Variants in AATK observed in about 807,000 individuals in gnomAD.
AATK encodes lemur tail kinase 1.
Under a neutral mutation model 114.3 loss-of-function variants are expected in AATK, and 91 were observed. The ratio of observed to expected loss-of-function variants is 0.80; its 90% confidence interval spans 0.67 to 0.95. The LOEUF (loss-of-function observed/expected upper bound fraction) is 0.95, where lower values mean the gene tolerates loss of function less well. AATK is among the 40% of genes least tolerant of loss of function. AATK has a pLI of 0.00. For synonymous variants in AATK, 1,075 were observed against 916.5 expected (o/e 1.17, Z -3.12); for missense variants, 2,176 against 1,965.2 (o/e 1.11, Z -2.03).
chr17:81,121,617 A>AC lies in AATK; in HGVS notation c.2318dup (p.Asp774Ter). ...GCTTGGGCTCTGCCTGCGGGTGGTC[A>AC]CCCCCACTACTGGCTGTCTCTGTCC... On this transcript the variant is annotated frameshift_variant, in exon 11 of 14. Coordinates refer to ENST00000326724, the MANE Select transcript of AATK (RefSeq NM_001080395.3). LOFTEE classifies it high-confidence loss of function. 1 of 1,491,072 alleles carries AC rather than the reference A, an allele frequency of 6.7e-7. No individual in the cohort carries two copies. The highest frequency in any genetic ancestry group is 1.4e-5 in the South Asian group (1 of 72,958). The allele number at this position is 1,491,072 out of a possible 1,614,324, so 92.4% of individuals were successfully genotyped here.
chr17:81,124,446 G>C (rs2060764016), intron 9 of AATK, among the ~76,000 whole-genome samples: 2 of 152,156 alleles, frequency 1.3e-5, no homozygotes, highest in South Asian at 4.2e-4. Flanking sequence ...TACTCACCAA[G>C]GCCCCCGTCT....
Position 81,117,539 on chromosome 17 carries a change from C to CCT in AATK, c.*861_*862dup, listed in dbSNP as rs1315921861. On this transcript the variant is annotated 3_prime_UTR_variant, in exon 14 of 14. Coordinates refer to ENST00000326724, the MANE Select transcript of AATK (RefSeq NM_001080395.3). Reference sequence around the variant, plus strand: ...CCAGCTCCACCCCTTCCCCACCATCCCTCTCCCTGTAGGTAGGAGCCCCCC... The same window carrying CCT: ...CCAGCTCCACCCCTTCCCCACCATCCCTCTCTCCCTGTAGGTAGGAGCCCCCC... 1 of 152,308 alleles carries CCT rather than the reference C, an allele frequency of 6.6e-6. No individual in the cohort carries two copies. The highest frequency in any genetic ancestry group is 1.5e-5 in the Non-Finnish European group (1 of 68,090). The allele number at this position is 152,308 out of a possible 1,614,324, so 9.4% of individuals were successfully genotyped here.
intron 1 of AATK, among the ~76,000 whole-genome samples, chr17:81,151,673 G>T (rs940675343): frequency 6.6e-6 from 1 of 152,122 alleles, no homozygotes; most frequent in African/African-American, 2.4e-5. Context: ...AAAAGACACC[G>T]TCTCAACACC....
chr17:81,150,157 A>G (rs1220941873), intron 1 of AATK, among the ~76,000 whole-genome samples: 1 of 151,798 alleles, frequency 6.6e-6, no homozygotes, highest in African/African-American at 2.4e-5. Context: ...TTCTGGGCTG[A>G]TGAGAATGTT....
chr17:81,126,764 A>T lies in AATK; in HGVS notation c.622-204T>A, dbSNP rs2060834047. ...GTCCCCCAGGGCTGGGCTGGACTGA[A>T]GGCTTCCTCTCCACTGCCCCTCAGC... is the stretch of plus-strand genomic sequence containing the variant. On this transcript the variant is annotated intron_variant, in intron 6 of 13. Coordinates refer to ENST00000326724, the MANE Select transcript of AATK (RefSeq NM_001080395.3). This position sits in a 1 kb window ranked among gnomAD's most constrained non-coding sequence, Gnocchi z 5.1. The T allele has an allele frequency of 7.2e-7, 1 of 1,397,338 alleles. No individual in the cohort carries two copies. Among genetic ancestry groups the T allele is most frequent in the Non-Finnish European group, 9.3e-7 (1 of 1,077,084 alleles). 86.6% of individuals were successfully genotyped at this position (1,397,338 alleles called of 1,614,324 possible).
chr17:81,127,788 C>T lies in AATK; in HGVS notation c.533+4G>A, dbSNP rs942393074. The T allele has an allele frequency of 1.3e-5, 20 of 1,514,564 alleles. No individual in the cohort carries two copies. In the East Asian group the frequency reaches 1.7e-4, roughly 13 times the overall value. 93.8% of individuals were successfully genotyped at this position (1,514,564 alleles called of 1,614,324 possible). A position where few individuals can be genotyped will look rare whatever the true frequency, so the allele number is the denominator to read the frequency against. On this transcript the variant is annotated splice_donor_region_variant and intron_variant, in intron 5 of 13. Coordinates refer to ENST00000326724, the MANE Select transcript of AATK (RefSeq NM_001080395.3). ...ACAGGCCTTTGTGCCCGGTGGCCTC[C>T]CACCTGTAGGGCTGCACCTCCTCCA... is the stretch of plus-strand genomic sequence containing the variant.
At position 81,156,687 on chromosome 17, in the gene AATK, G is replaced by A. The variant is rs140769280; in HGVS notation, c.55+9251C>T. Among the ~76,000 whole-genome samples the A allele has an allele frequency of 3.2e-3, 482 of 152,316 alleles. 3 individuals are homozygous for A. Among genetic ancestry groups the A allele is most frequent in the African/African-American group, 0.01 (433 of 41,568 alleles). Reference sequence around the variant, plus strand: ...GCTGGGATTACAGGTGTGAGCCACCGCGCCCAGACTAAATGTCTTCTAAAG... The same window carrying A: ...GCTGGGATTACAGGTGTGAGCCACCACGCCCAGACTAAATGTCTTCTAAAG... On this transcript the variant is annotated intron_variant, in intron 1 of 13. Transcript: ENST00000326724.
chr17:81,132,676 G>C (rs760567033), intron 2 of AATK: 10 of 320,936 alleles, frequency 3.1e-5, no homozygotes, highest in Admixed American at 7.4e-5. Flanking sequence ...GGGGCCAGCC[G>C]GGTCCTGCCG....
chr17:81,128,674 A>G (rs1344034255), intron 3 of AATK, 125 bp from the exon 4 acceptor site: 3 of 1,490,486 alleles, frequency 2.0e-6, no homozygotes, highest in Non-Finnish European at 2.7e-6. Flanking sequence ...CCCTAGCACC[A>G]GCTGGCAACC....
chr17:81,130,801 G>A (rs2060919215), intron 3 of AATK, among the ~76,000 whole-genome samples: 1 of 152,168 alleles, frequency 6.6e-6, no homozygotes, highest in Admixed American at 6.5e-5. Context: ...GGAGGCCGAG[G>A]GCTGTCCTGG....
Position 81,126,658 on chromosome 17 carries a change from A to T in AATK, c.622-98T>A, listed in dbSNP as rs751804618. On this transcript the variant is annotated intron_variant, in intron 6 of 13. Coordinates refer to ENST00000326724, the MANE Select transcript of AATK (RefSeq NM_001080395.3). The surrounding 1 kb of genome is among the most constrained non-coding windows in gnomAD (Gnocchi z 5.1). Reference sequence around the variant, plus strand: ...CCCCAACTCCTCCACCCCTACCCACAGCTGAGGGACAGCAGCTGCCCAGAG... The same window carrying T: ...CCCCAACTCCTCCACCCCTACCCACTGCTGAGGGACAGCAGCTGCCCAGAG... The T allele has an allele frequency of 2.0e-6, 3 of 1,467,102 alleles. No individual in the cohort carries two copies. The highest frequency in any genetic ancestry group is 2.7e-6 in the Non-Finnish European group (3 of 1,104,318). 90.9% of individuals were successfully genotyped at this position (1,467,102 alleles called of 1,614,324 possible).
intron 1 of AATK, among the ~76,000 whole-genome samples, chr17:81,165,075 T>C (rs1462050617): frequency 1.3e-5 from 2 of 152,196 alleles, no homozygotes; most frequent in Non-Finnish European, 2.9e-5. Flanking sequence ...CCCAGTGACG[T>C]GTGGGTGGGA....
In AATK at chr17:81,125,329, C is replaced by G. The variant is rs780928385; in HGVS notation, c.756-315G>C. 3 of 706,716 alleles carry G rather than the reference C, an allele frequency of 4.2e-6. No homozygotes were observed. The East Asian group carries it at 8.5e-5, about 20-fold the overall frequency. 43.8% of individuals were successfully genotyped at this position (706,716 alleles called of 1,614,324 possible). A position where few individuals can be genotyped will look rare whatever the true frequency, so the allele number is the denominator to read the frequency against. On this transcript the variant is annotated intron_variant, in intron 7 of 13. Transcript: ENST00000326724. ...AGAACCTGCCGGAACCCACCCGGAC[C>G]GGTCCACGCTTCTCCAGGACCCTCT...
At chr17:81,130,688 C>T (rs1176010944) in intron 3 of AATK, among the ~76,000 whole-genome samples, 3 of 152,024 alleles carry the variant, frequency 2.0e-5, no homozygotes, top group African/African-American at 7.2e-5. Context: ...CAGCACATGG[C>T]CATGTCCAGG....
At chr17:81,146,521 G>A (rs1422867252) in intron 1 of AATK, among the ~76,000 whole-genome samples, 2 of 152,076 alleles carry the variant, frequency 1.3e-5, no homozygotes, top group Non-Finnish European at 2.9e-5. Context: ...TTTGAGACCA[G>A]CCTGGCCAAC....
At position 81,127,633 on chromosome 17, in the gene AATK, G is replaced by A; in HGVS notation, c.571C>T (p.Gln191Ter). The change falls in exon 6 of 14, where the codon CAG (glutamine) becomes TAG (stop). Residue 191 changes from glutamine to a stop codon, truncating the protein, a stop_gained. Coordinates refer to ENST00000326724, the MANE Select transcript of AATK (RefSeq NM_001080395.3). LOFTEE classifies it high-confidence loss of function. Reference protein sequence around the residue: ...KHSNLLQCLAQCAEVTPYLLV... With the variant: ...KHSNLLQCLA ...AGGTAGGGCGTCACCTCGGCGCACTGGGCCAGGCACTGGAGCAGGTTGCTG... is the reference window on the plus strand; with the variant it reads ...AGGTAGGGCGTCACCTCGGCGCACTAGGCCAGGCACTGGAGCAGGTTGCTG... 6.2e-7 allele frequency: 1 copy of A among 1,600,550 alleles called. No homozygotes were observed. The highest frequency in any genetic ancestry group is 1.1e-5 in the South Asian group (1 of 88,510).
intron 1 of AATK, among the ~76,000 whole-genome samples, chr17:81,164,610 C>A (rs972122539): frequency 6.6e-6 from 1 of 152,252 alleles, no homozygotes. Context: ...AGGCTGGGCC[C>A]CGAGGCAGGG....
chr17:81,131,269 G>A (rs2060926936), intron 2 of AATK, 64 bp from the exon 3 acceptor site: 1 of 1,488,568 alleles, frequency 6.7e-7, no homozygotes, highest in Non-Finnish European at 8.9e-7. Flanking sequence ...GGCTGGGCCT[G>A]GAAAGGCCCC....
At chr17:81,129,109 G>T (rs960689573) in intron 3 of AATK, among the ~76,000 whole-genome samples, 1 of 152,222 alleles carries the variant, frequency 6.6e-6, no homozygotes, top group Non-Finnish European at 1.5e-5. Context: ...AGGGGCCAGC[G>T]CTGGCAGAGC....
Sources: gnomAD v4.1 joint callset for allele counts (sites outside exome capture counted in the v4.1 genomes callset) on GRCh38, gnomAD v4.1.1 for gene constraint, Gnocchi (gnomAD v3.1) non-coding constraint, MANE v1.5 for transcripts, NCBI Gene and HGNC (gene_info 2026-07-23, HGNC 2026-07-21) for gene names.